Variants in SH2D4B observed in about 807,000 individuals in gnomAD.
The protein encoded by SH2D4B is SH2 domain containing 4B, also known as SH2 domain-containing protein 4B.
Under a neutral mutation model 61.5 loss-of-function variants are expected in SH2D4B, and 45 were observed. The ratio of observed to expected loss-of-function variants is 0.73; its 90% CI spans 0.58 to 0.94. SH2D4B has a LOEUF of 0.94. SH2D4B is among the 40% of genes least tolerant of loss of function. The probability of loss-of-function intolerance (pLI) is 0.00; values close to 1 mark genes in which losing one functional copy is unlikely to be tolerated. For synonymous variants in SH2D4B, 224 were observed against 220.4 expected (o/e 1.02, Z -0.14); for missense variants, 572 against 574.2 (o/e 1.00, Z 0.04).
chr10:80,633,142 G>A (rs898333697), intron 6 of SH2D4B, among the ~76,000 whole-genome samples: 16 of 151,128 alleles, frequency 1.1e-4, no homozygotes, highest in African/African-American at 3.2e-4. Flanking sequence ...GAGTGGCTTC[G>A]GGGATTGGGG....
chr10:80,600,142 A>G (rs1842434632), intron 4 of SH2D4B, among the ~76,000 whole-genome samples: 1 of 152,232 alleles, frequency 6.6e-6, no homozygotes, highest in Non-Finnish European at 1.5e-5. Context: ...CAAGGAAAGA[A>G]GGTGTAGATA....
rs978934366 is a variant in SH2D4B at position 80,634,389 on chromosome 10, C to T, written c.1093C>T (p.Arg365Cys). 9.7e-6 allele frequency: 15 copies of T among 1,550,484 alleles called. No homozygotes were observed. The highest frequency in any genetic ancestry group is 4.1e-5 in the African/African-American group (3 of 73,052). The change falls in exon 7 of 8, where the codon CGC becomes TGC. Residue 365 changes from arginine to cysteine, a missense_variant. Transcript: ENST00000646907. ...EKIWGYTLSY[R>C]LQKGFKHFLV... ...AATCTGGGGTTACACCCTCTCCTAC[C>T]GCCTGCAGAAAGGGTTCAAACACTT...
At chr10:80,576,293 G>A (rs1842124457) in intron 3 of SH2D4B, among the ~76,000 whole-genome samples, 2 of 152,254 alleles carry the variant, frequency 1.3e-5, no homozygotes, top group Admixed American at 6.5e-5. Flanking sequence ...GGCTGTGGAT[G>A]TTATTGCCAA....
chr10:80,568,538 C>T (rs1004436806), intron 1 of SH2D4B, among the ~76,000 whole-genome samples: 8 of 152,106 alleles, frequency 5.3e-5, no homozygotes, highest in South Asian at 2.1e-4. Flanking sequence ...TGAAGGTGGA[C>T]GGAGCACATC....
At chr10:80,560,825 G>T (rs1841894342) in intron 1 of SH2D4B, among the ~76,000 whole-genome samples, 1 of 150,050 alleles carries the variant, frequency 6.7e-6, no homozygotes, top group Non-Finnish European at 1.5e-5. Flanking sequence ...GGTCTTCAAG[G>T]TCAACACTAT....
chr10:80,642,068 T>C (rs917262191), intron 7 of SH2D4B, among the ~76,000 whole-genome samples: 3 of 152,186 alleles, frequency 2.0e-5, no homozygotes, highest in Admixed American at 6.5e-5. Flanking sequence ...TAAGGAAATA[T>C]ATAGTTTTGT....
intron 1 of SH2D4B, among the ~76,000 whole-genome samples, chr10:80,558,626 C>T (rs1256540571): frequency 3.3e-5 from 5 of 152,058 alleles, no homozygotes; most frequent in Non-Finnish European, 5.9e-5. Flanking sequence ...ACTACAGGTG[C>T]GTACCACCAC....
chr10:80,643,620 C>T (rs758879269), intron 7 of SH2D4B, among the ~76,000 whole-genome samples: 2 of 151,902 alleles, frequency 1.3e-5, no homozygotes, highest in Non-Finnish European at 2.9e-5. Context: ...TCCAAGGAAC[C>T]GTGTGCGTCT....
Position 80,540,923 on chromosome 10 carries a change from T to C in SH2D4B, c.184+2408T>C, listed in dbSNP as rs188874237. The C allele has an allele frequency of 1.1e-5, 17 of 1,548,072 alleles. No homozygotes were observed. The East Asian group carries it at 4.2e-4, about 38-fold the overall frequency. On this transcript the variant is annotated intron_variant, in intron 1 of 7. Coordinates refer to ENST00000646907, the MANE Select transcript of SH2D4B (RefSeq NM_001388272.1). ...TGTTGCCAGAGGACTCAGGAGGCTC[T>C]CCAGATGCTGGTGAGACCCCAGCCC...
At chr10:80,599,189 C>T (rs1481152352) in intron 4 of SH2D4B, among the ~76,000 whole-genome samples, 1 of 152,056 alleles carries the variant, frequency 6.6e-6, no homozygotes, top group Non-Finnish European at 1.5e-5. Flanking sequence ...AGGCTTGAGA[C>T]AGGTAGAGCC....
chr10:80,631,245 G>A (rs1429083508), intron 6 of SH2D4B, among the ~76,000 whole-genome samples: 1 of 152,170 alleles, frequency 6.6e-6, no homozygotes, highest in Non-Finnish European at 1.5e-5. Flanking sequence ...GGAAGTGTTT[G>A]TTTATTTATT....
At chr10:80,642,055 A>G (rs1345160533) in intron 7 of SH2D4B, among the ~76,000 whole-genome samples, 3 of 152,218 alleles carry the variant, frequency 2.0e-5, no homozygotes, top group East Asian at 1.9e-4. Flanking sequence ...AAACTTATGT[A>G]TATAAGGAAA....
chr10:80,626,511 C>T (rs1279934971), intron 6 of SH2D4B, among the ~76,000 whole-genome samples: 8 of 152,294 alleles, frequency 5.3e-5, no homozygotes, highest in East Asian at 3.9e-4. Context: ...CTGTGGGACT[C>T]GGATTCTATA....
At chr10:80,579,078 C>A (rs998752876) in intron 3 of SH2D4B, among the ~76,000 whole-genome samples, 5 of 151,860 alleles carry the variant, frequency 3.3e-5, no homozygotes. Flanking sequence ...GGATTTTTAC[C>A]CCACAGAGAA....
At chr10:80,543,235 G>T (rs1323875194) in intron 1 of SH2D4B, among the ~76,000 whole-genome samples, 2 of 152,186 alleles carry the variant, frequency 1.3e-5, no homozygotes, top group Non-Finnish European at 2.9e-5. Context: ...CAAGGCCGGA[G>T]CCGGCTCCCT....
chr10:80,622,170 G>C (rs1381019603), intron 6 of SH2D4B, among the ~76,000 whole-genome samples: 1 of 148,402 alleles, frequency 6.7e-6, no homozygotes, highest in Non-Finnish European at 1.5e-5. Flanking sequence ...AGAAGACACA[G>C]GCTATTTCTT....
chr10:80,561,354 G>T (rs1841900268), intron 1 of SH2D4B, among the ~76,000 whole-genome samples: 1 of 152,118 alleles, frequency 6.6e-6, no homozygotes, highest in Non-Finnish European at 1.5e-5. Context: ...GACTTTTCTT[G>T]TAAGATTCAT....
At chr10:80,540,682 A>T (rs1841565839) in intron 1 of SH2D4B, 1 of 714,288 alleles carries the variant, frequency 1.4e-6, no homozygotes, top group Non-Finnish European at 2.3e-6. Flanking sequence ...TTGTTCACTC[A>T]TTCACCAATT....
intron 4 of SH2D4B, among the ~76,000 whole-genome samples, chr10:80,596,698 G>A (rs960580660): frequency 6.6e-6 from 1 of 152,178 alleles, no homozygotes; most frequent in Non-Finnish European, 1.5e-5. Context: ...GGAACACTAA[G>A]CAGACATTAC....
Sources: gnomAD v4.1 joint callset for allele counts (sites outside exome capture counted in the v4.1 genomes callset) on GRCh38, gnomAD v4.1.1 for gene constraint, MANE v1.5 for transcripts, NCBI Gene and HGNC (gene_info 2026-07-23, HGNC 2026-07-21) for gene names.